Variants in NEDD4L observed in about 807,000 individuals in gnomAD.
NEDD4L encodes the protein E3 ubiquitin-protein ligase NEDD4-like.
Under a neutral mutation model 148.9 loss-of-function variants are expected in NEDD4L, and 54 were observed. The ratio of observed to expected loss-of-function variants is 0.36; its 90% confidence interval spans 0.29 to 0.45. NEDD4L has a LOEUF of 0.45. NEDD4L is among the 20% of genes least tolerant of loss of function. The pLI is 1.00. For missense variants in NEDD4L, 856 were observed against 1,233.8 expected (o/e 0.69, Z 4.59); for synonymous variants, 433 against 440.7 (o/e 0.98, Z 0.22).
At chr18:58,272,811 G>C (rs561978802) in intron 5 of NEDD4L, among the ~76,000 whole-genome samples, 15 of 152,216 alleles carry the variant, frequency 9.9e-5, no homozygotes, top group Non-Finnish European at 8.8e-5. Context: ...GATGCAAGTA[G>C]TACATAAGAC....
intron 2 of NEDD4L, among the ~76,000 whole-genome samples, chr18:58,190,507 T>A (rs1200260650): frequency 1.3e-5 from 2 of 152,198 alleles, no homozygotes; most frequent in Non-Finnish European, 1.5e-5. Flanking sequence ...AGGAAACACA[T>A]AATACAGAAA....
chr18:58,149,146 T>G (rs1365383728), intron 1 of NEDD4L, among the ~76,000 whole-genome samples: 1 of 152,218 alleles, frequency 6.6e-6, no homozygotes, highest in Non-Finnish European at 1.5e-5. Flanking sequence ...AGAGTGTACT[T>G]CTGAACATTT....
intron 16 of NEDD4L, among the ~76,000 whole-genome samples, chr18:58,346,425 C>T (rs1255325441): frequency 6.6e-6 from 1 of 152,174 alleles, no homozygotes; most frequent in Non-Finnish European, 1.5e-5. Context: ...ATGTTCAACG[C>T]ATATTAGTAT....
chr18:58,163,523 T>G (rs1471106788), intron 1 of NEDD4L, among the ~76,000 whole-genome samples: 2 of 152,250 alleles, frequency 1.3e-5, no homozygotes, highest in African/African-American at 4.8e-5. Context: ...GGGTATTGTC[T>G]TAGTTATCCC....
intron 1 of NEDD4L, among the ~76,000 whole-genome samples, chr18:58,120,501 C>T (rs1417124277): frequency 6.6e-6 from 1 of 152,212 alleles, no homozygotes; most frequent in South Asian, 2.1e-4. Context: ...ATGCCACGGC[C>T]GGGCGTGGTG....
intron 6 of NEDD4L, among the ~76,000 whole-genome samples, chr18:58,318,981 G>A (rs1425494595): frequency 6.6e-6 from 1 of 152,184 alleles, no homozygotes; most frequent in African/African-American, 2.4e-5. Flanking sequence ...TCCTAGATGA[G>A]GCATTTTCAG....
At chr18:58,371,119 T>C (rs1601802642) in intron 23 of NEDD4L, among the ~76,000 whole-genome samples, 1 of 151,426 alleles carries the variant, frequency 6.6e-6, no homozygotes, top group African/African-American at 2.4e-5. Flanking sequence ...CTTGGCTCAC[T>C]TCCGCCTTGC....
At chr18:58,171,604 A>T (rs1024565286) in intron 2 of NEDD4L, among the ~76,000 whole-genome samples, 1 of 152,400 alleles carries the variant, frequency 6.6e-6, no homozygotes, top group East Asian at 1.9e-4. Flanking sequence ...ATCTTGGCAC[A>T]TGACAGTTGC....
chr18:58,128,267 T>G (rs1349140680), intron 1 of NEDD4L, among the ~76,000 whole-genome samples: 1 of 152,102 alleles, frequency 6.6e-6, no homozygotes, highest in African/African-American at 2.4e-5. Flanking sequence ...GGCTGGTCTC[T>G]AACTCCTGGC....
At chr18:58,076,740 C>T (rs751201358) in intron 1 of NEDD4L, among the ~76,000 whole-genome samples, 48 of 151,902 alleles carry the variant, frequency 3.2e-4, no homozygotes, top group Non-Finnish European at 6.0e-4. Flanking sequence ...TCCCCCACCC[C>T]TAATGCTTTA....
intron 1 of NEDD4L, among the ~76,000 whole-genome samples, chr18:58,064,154 C>T (rs1376526301): frequency 6.6e-5 from 10 of 151,644 alleles, no homozygotes; most frequent in South Asian, 2.1e-4. Context: ...TTAGTAGAGA[C>T]GGGGTTTCAC....
At chr18:58,329,343 G>T (rs539503155) in intron 10 of NEDD4L, among the ~76,000 whole-genome samples, 1 of 152,094 alleles carries the variant, frequency 6.6e-6, no homozygotes, top group South Asian at 2.1e-4. Flanking sequence ...ATAGAAATGG[G>T]AATAACATTA....
At chr18:58,156,210 C>CT (rs1438457419) in intron 1 of NEDD4L, among the ~76,000 whole-genome samples, 1 of 152,184 alleles carries the variant, frequency 6.6e-6, no homozygotes, top group Non-Finnish European at 1.5e-5. Flanking sequence ...GGTGTTCTTC[C>CT]TAAAAGGAAT....
intron 1 of NEDD4L, among the ~76,000 whole-genome samples, chr18:58,084,011 G>A (rs560223362): frequency 3.3e-5 from 5 of 152,300 alleles, no homozygotes; most frequent in South Asian, 4.2e-4. Flanking sequence ...GATTACAGGC[G>A]TGAGCCAGTG....
At chr18:58,151,691 A>G (rs1413742705) in intron 1 of NEDD4L, among the ~76,000 whole-genome samples, 2 of 143,630 alleles carry the variant, frequency 1.4e-5, no homozygotes, top group African/African-American at 5.1e-5. Context: ...GGTGCTGGAC[A>G]TGTCGGGTAG....
At chr18:58,050,459 G>C (rs1411622603) in intron 1 of NEDD4L, among the ~76,000 whole-genome samples, 3 of 151,378 alleles carry the variant, frequency 2.0e-5, no homozygotes, top group Admixed American at 2.0e-4. Context: ...GACAGAGTGA[G>C]ACTCTGTCAC....
At chr18:58,162,311 C>G (rs1331346905) in intron 1 of NEDD4L, among the ~76,000 whole-genome samples, 1 of 152,070 alleles carries the variant, frequency 6.6e-6, no homozygotes, top group Non-Finnish European at 1.5e-5. Flanking sequence ...CATCAGGTCC[C>G]ACGGTGCCCT....
intron 30 of NEDD4L, among the ~76,000 whole-genome samples, chr18:58,394,759 G>A (rs17064950): frequency 0.014 from 2,197 of 152,282 alleles, 55 homozygotes; most frequent in African/African-American, 0.051. Context: ...GGCCCTCTAC[G>A]GTATGTGTTT....
chr18:58,360,742 T>G (rs190269759), intron 19 of NEDD4L, among the ~76,000 whole-genome samples: 2 of 145,976 alleles, frequency 1.4e-5, no homozygotes, highest in Non-Finnish European at 3.0e-5. Flanking sequence ...AGTTTATAAT[T>G]TGTGTGTGTG....
Sources: allele counts gnomAD v4.1 joint callset (sites outside exome capture counted in the v4.1 genomes callset), GRCh38; gene constraint gnomAD v4.1.1; transcripts MANE v1.5; gene names NCBI Gene and HGNC (gene_info 2026-07-23, HGNC 2026-07-21).